Variants in FGF6 observed in about 807,000 individuals in gnomAD.
FGF6 encodes the protein FGF-6.
In FGF6, 14 loss-of-function variants were observed where a neutral mutation model predicts 18.4. The observed-to-expected ratio is 0.76, with a 90% CI of 0.50 to 1.19. The LOEUF is 1.19. FGF6 is among the 50% of genes most tolerant of loss of function. The pLI is 0.00. For synonymous variants in FGF6, 125 were observed against 116.7 expected (o/e 1.07, Z -0.46); for missense variants, 266 against 271.6 (o/e 0.98, Z 0.15).
chr12:4,437,661 A>T (rs942821212), intron 2 of FGF6, among the ~76,000 whole-genome samples: 8 of 152,254 alleles, frequency 5.3e-5, no homozygotes, highest in Non-Finnish European at 7.3e-5. Flanking sequence ...ACATACATGG[A>T]TGTAAAATGA....
At chr12:4,444,313 C>T in intron 1 of FGF6, 77 bp from the exon 2 acceptor site, 1 of 902,146 alleles carries the variant, frequency 1.1e-6, no homozygotes, top group Non-Finnish European at 1.8e-6. Flanking sequence ...AAGGGCATCT[C>T]AGTCCATCCC....
At chr12:4,441,548 C>G (rs1865690977) in intron 2 of FGF6, among the ~76,000 whole-genome samples, 1 of 152,144 alleles carries the variant, frequency 6.6e-6, no homozygotes, top group African/African-American at 2.4e-5. Flanking sequence ...GGGGGCCTGG[C>G]AAACTGCCCT....
At chr12:4,441,874 G>A (rs953891234) in intron 2 of FGF6, among the ~76,000 whole-genome samples, 1 of 152,122 alleles carries the variant, frequency 6.6e-6, no homozygotes, top group African/African-American at 2.4e-5. Context: ...CCTCTGAGGG[G>A]CGGAGAGGGA....
rs952218723 is a variant in FGF6, at chr12:4,445,399, G to A, written c.172C>T (p.Leu58=). 6.2e-7 allele frequency: 1 copy of A among 1,613,664 alleles called. No individual in the cohort carries two copies. Among genetic ancestry groups the A allele is most frequent in the Non-Finnish European group, 8.5e-7 (1 of 1,180,000 alleles). The change falls in exon 1 of 3, where the codon CTG becomes TTG. Residue 58 remains leucine (L), a synonymous_variant. Transcript: ENST00000228837. The surrounding 1 kb of genome is among the most constrained non-coding windows in gnomAD (Gnocchi z 5.5). The part of the protein sequence containing the change: ...LLDSRGWGTL[L]SRSRAGLAGE... ...GCTAGCCCGGCGCGAGACCTGGACA[G>A]CAGGGTGCCCCAGCCCCTCGAGTCC...
intron 1 of FGF6, among the ~76,000 whole-genome samples, chr12:4,444,469 G>A (rs950572079): frequency 5.3e-5 from 8 of 152,160 alleles, no homozygotes; most frequent in Non-Finnish European, 1.2e-4. Flanking sequence ...GCAGAGTTAG[G>A]GGCTGCAGTG....
At chr12:4,444,964 G>A (rs1044603979) in intron 1 of FGF6, among the ~76,000 whole-genome samples, 2 of 152,144 alleles carry the variant, frequency 1.3e-5, no homozygotes, top group African/African-American at 4.8e-5. Context: ...GTCTTACAAG[G>A]CATCAGATGG....
At chr12:4,434,473 G>A (rs1371787586) in intron 2 of FGF6, 82 bp from the exon 3 acceptor site, 1 of 1,346,450 alleles carries the variant, frequency 7.4e-7, no homozygotes, top group African/African-American at 1.4e-5. Flanking sequence ...CAGAGAGTAG[G>A]CCCCTCTGCC....
At chr12:4,438,648 C>G (rs556942347) in intron 2 of FGF6, among the ~76,000 whole-genome samples, 11 of 146,496 alleles carry the variant, frequency 7.5e-5, no homozygotes, top group African/African-American at 2.8e-4. Flanking sequence ...GTAGTCCCAG[C>G]TACTTGGGAG....
At chr12:4,439,779 A>C (rs1460065213) in intron 2 of FGF6, among the ~76,000 whole-genome samples, 1 of 152,096 alleles carries the variant, frequency 6.6e-6, no homozygotes, top group Non-Finnish European at 1.5e-5. Flanking sequence ...TACAAAACTA[A>C]AGTGAAAAAA....
rs1304942084 is a variant in FGF6 at position 4,434,180 on chromosome 12, A to G, written c.*35T>C. 1 of 1,604,834 alleles carries G rather than the reference A, an allele frequency of 6.2e-7. No individual in the cohort carries two copies. Among genetic ancestry groups the G allele is most frequent in the East Asian group, 2.2e-5 (1 of 44,804 alleles). On this transcript the variant is annotated 3_prime_UTR_variant, in exon 3 of 3. Coordinates refer to ENST00000228837, the MANE Select transcript of FGF6 (RefSeq NM_020996.3). ...GTGCAAAATTTCAATCGAACAGATGATGCTTTAAATCTGTGAGCCTTCTTT... is the reference window on the plus strand; with the variant it reads ...GTGCAAAATTTCAATCGAACAGATGGTGCTTTAAATCTGTGAGCCTTCTTT...
intron 2 of FGF6, among the ~76,000 whole-genome samples, chr12:4,442,612 C>T (rs1267138217): frequency 6.6e-6 from 1 of 152,200 alleles, no homozygotes; most frequent in East Asian, 1.9e-4. Flanking sequence ...CCCGGCTCTC[C>T]CGACCCTATG....
At chr12:4,443,107 G>C (rs904984186) in intron 2 of FGF6, among the ~76,000 whole-genome samples, 9 of 152,186 alleles carry the variant, frequency 5.9e-5, no homozygotes, top group Non-Finnish European at 1.2e-4. Context: ...AACCCAGACT[G>C]AGAGATGTTA....
At chr12:4,434,528 G>A in intron 2 of FGF6, 137 bp from the exon 3 acceptor site, 1 of 757,398 alleles carries the variant, frequency 1.3e-6, no homozygotes, top group Admixed American at 2.3e-5. Flanking sequence ...CGTGAGGTCT[G>A]AGCATCCTGG....
At chr12:4,435,152 C>A (rs990978677) in intron 2 of FGF6, among the ~76,000 whole-genome samples, 1 of 152,092 alleles carries the variant, frequency 6.6e-6, no homozygotes, top group Non-Finnish European at 1.5e-5. Context: ...GGTCCCCGAC[C>A]CCCAGGCTGC....
chr12:4,439,970 T>G (rs1414336754), intron 2 of FGF6, among the ~76,000 whole-genome samples: 1 of 152,180 alleles, frequency 6.6e-6, no homozygotes, highest in Non-Finnish European at 1.5e-5. Flanking sequence ...ATGCCCAGAG[T>G]GATGCTCAAG....
At position 4,445,154 on chromosome 12, in the gene FGF6, GC is replaced by G. The variant is rs1470017034; in HGVS notation, c.346+70del. 1.6e-6 allele frequency: 2 copies of G among 1,285,794 alleles called. No individual in the cohort carries two copies. Among genetic ancestry groups the G allele is most frequent in the Non-Finnish European group, 2.2e-6 (2 of 924,254 alleles). The allele number at this position is 1,285,794 out of a possible 1,614,324, so 79.6% of individuals were successfully genotyped here. ...CGTGCATCCTGTCCGCTAGAGCAGG[GC>G]CCCTTCACCTTTTAGCCCTGCATGA... is the stretch of plus-strand genomic sequence containing the variant. On this transcript the variant is annotated intron_variant, in intron 1 of 2. Coordinates refer to ENST00000228837, the MANE Select transcript of FGF6 (RefSeq NM_020996.3). The surrounding 1 kb of genome is among the most constrained non-coding windows in gnomAD (Gnocchi z 5.5).
chr12:4,443,898 C>G (rs539747989), intron 2 of FGF6, among the ~76,000 whole-genome samples: 1 of 152,236 alleles, frequency 6.6e-6, no homozygotes, highest in South Asian at 2.1e-4. Flanking sequence ...TTTAAGCACA[C>G]GGGCTCCGGC....
chr12:4,445,550 C>G lies in FGF6; in HGVS notation c.21G>C (p.Leu7=), dbSNP rs1297655958. ...CTGCTCCCCGGGACATAGTGATGAA[C>G]AGTTTCTGTCCCAGGGCCATCCACC... MALGQK[L]FITMSRGAGR... The change falls in exon 1 of 3, where the codon CTG becomes CTC. Residue 7 remains leucine (L), a synonymous_variant. Transcript: ENST00000228837. The surrounding 1 kb of genome is among the most constrained non-coding windows in gnomAD (Gnocchi z 5.5). 1.3e-6 allele frequency: 2 copies of G among 1,599,368 alleles called. No homozygotes were observed. The highest frequency in any genetic ancestry group is 1.7e-5 in the Admixed American group (1 of 59,624).
Position 4,444,133 on chromosome 12 carries a change from C to T in FGF6, c.450G>A (p.Thr150=), listed in dbSNP as rs146672099. The T allele has an allele frequency of 1.5e-5, 24 of 1,605,720 alleles. No homozygotes were observed. Among genetic ancestry groups the T allele is most frequent in the African/African-American group, 5.4e-5 (4 of 74,710 alleles). ...AMNSKGRLYA[T]PSFQEECKFR... ...CACTTCCCCGGCCTGGTGAACTCAC[C>T]GTTGCGTACAATCTTCCTTTACTGT... Residue 150 remains threonine, a splice_region_variant and synonymous_variant, in exon 2 of 3, where the codon ACG becomes ACA. Transcript: ENST00000228837.
Sources: gnomAD v4.1 joint callset for allele counts (sites outside exome capture counted in the v4.1 genomes callset) on GRCh38, gnomAD v4.1.1 for gene constraint, Gnocchi (gnomAD v3.1) non-coding constraint, MANE v1.5 for transcripts, NCBI Gene and HGNC (gene_info 2026-07-23, HGNC 2026-07-21) for gene names.